The following TBC1D17 variants were observed in gnomAD, a reference collection of about 807,000 sequenced individuals.
The protein encoded by TBC1D17 is TBC1 domain family, member 17.
In TBC1D17, 69 loss-of-function variants were observed where a neutral mutation model predicts 78.8. That is an observed-to-expected ratio of 0.88 (90% confidence interval 0.72 to 1.07). TBC1D17 has a LOEUF of 1.07. Among genes scored for constraint, TBC1D17 ranks in the 50% least tolerant of loss-of-function variants. The probability of loss-of-function intolerance (pLI) is 0.00; values close to 1 mark genes in which losing one functional copy is unlikely to be tolerated. For missense variants in TBC1D17, 957 were observed against 861.0 expected, an observed-to-expected ratio of 1.11 and a Z score of -1.39; for synonymous variants, 456 against 358.3, an observed-to-expected ratio of 1.27 and a Z score of -3.08.
At chr19:49,881,946 C>G in intron 5 of TBC1D17, 95 bp from the exon 6 acceptor site, 1 of 1,094,936 alleles carries the variant, frequency 9.1e-7, no homozygotes, top group Non-Finnish European at 1.4e-6. Context: ...GTGGTTGGGA[C>G]GCTGCAGCTG....
chr19:49,886,352 A>G (rs2075058287), intron 13 of TBC1D17, among the ~76,000 whole-genome samples: 1 of 152,176 alleles, frequency 6.6e-6, no homozygotes, highest in Non-Finnish European at 1.5e-5. Flanking sequence ...ATTCATGAAC[A>G]TTTCCTCGAT....
rs1568676990 is a variant in TBC1D17, at chr19:49,884,639, C to T, written c.1345-20C>T. 6.2e-7 allele frequency: 1 copy of T among 1,614,032 alleles called. No homozygotes were observed. Among genetic ancestry groups the T allele is most frequent in the Non-Finnish European group, 8.5e-7 (1 of 1,179,908 alleles). ...GTACCTCACGGGGTCTGCTCTTTCC[C>T]CCCTCCTTCCGTCCCACAGCAAGGG... On this transcript the variant is annotated intron_variant, in intron 12 of 16. Coordinates refer to ENST00000221543, the MANE Select transcript of TBC1D17 (RefSeq NM_024682.3).
Position 49,888,526 on chromosome 19 carries a change from G to GGCCCCCCCCC in TBC1D17, c.1849_1850insGCCCCCCCCC (p.Ala617GlyfsTer66). On this transcript the variant is annotated frameshift_variant, in exon 17 of 17. Coordinates refer to ENST00000221543, the MANE Select transcript of TBC1D17 (RefSeq NM_024682.3). LOFTEE classifies it low-confidence loss of function (END_TRUNC). Reference sequence around the variant, plus strand: ...CCCGCTGCCTCTGTCGCCCACCCGGGCCCCGCCCACCCCGCCGCCCTCCAC... The same window carrying GGCCCCCCCCC: ...CCCGCTGCCTCTGTCGCCCACCCGGGGCCCCCCCCCCCCCGCCCACCCCGCCGCCCTCCAC... The GGCCCCCCCCC allele has an allele frequency of 2.0e-6, 3 of 1,533,188 alleles. No individual in the cohort carries two copies. Among genetic ancestry groups the GGCCCCCCCCC allele is most frequent in the Non-Finnish European group, 2.6e-6 (3 of 1,141,132 alleles). 95.0% of individuals were successfully genotyped at this position (1,533,188 alleles called of 1,614,324 possible).
In TBC1D17 at chr19:49,878,212, A is replaced by T; in HGVS notation, c.91A>T (p.Ile31Phe). 6.4e-7 allele frequency: 1 copy of T among 1,563,614 alleles called. No individual in the cohort carries two copies. Among genetic ancestry groups the T allele is most frequent in the Non-Finnish European group, 8.7e-7 (1 of 1,154,000 alleles). ...GAAGTATCAGGACCGAGACTCTCTC[A>T]TCGCTGGTGTCATCCGTGTCGTGGA... ...AKKYQDRDSL[I>F]AGVIRVVEKD... Residue 31 changes from isoleucine to phenylalanine, a missense_variant, in exon 2 of 17, where the codon ATC becomes TTC. Physicochemically the swap from Ile to Phe is conservative, Grantham distance 21. Coordinates refer to ENST00000221543, the MANE Select transcript of TBC1D17 (RefSeq NM_024682.3).
intron 15 of TBC1D17, 190 bp from the exon 16 acceptor site, chr19:49,888,041 C>A: frequency 9.5e-7 from 1 of 1,049,186 alleles, no homozygotes; most frequent in South Asian, 1.6e-5. Flanking sequence ...TGGGTGGGGA[C>A]CTTCCCTCCC....
In TBC1D17 at chr19:49,883,091, G is replaced by GGCCCT; in HGVS notation, c.1031+24_1031+28dup. On this transcript the variant is annotated intron_variant, in intron 9 of 16. Transcript: ENST00000221543. ...CGCAAGAAAACGTGAGTTCTCAGGA[G>GGCCCT]GCCCTGCCCTGCCAGGCATGACACC... 6.3e-7 allele frequency: 1 copy of GGCCCT among 1,589,868 alleles called. No homozygotes were observed.
chr19:49,887,706 C>T lies in TBC1D17; in HGVS notation c.1543-12C>T, dbSNP rs774183044. 4 of 1,613,390 alleles carry T rather than the reference C, an allele frequency of 2.5e-6. No homozygotes were observed. The South Asian group carries it at 4.4e-5, about 18-fold the overall frequency. The stretch of plus-strand genomic sequence containing the variant: ...TATGACCTCCCTCCCTCCCTCTGTC[C>T]CGCACCCTCAGGTGCTGTGGACAGG... On this transcript the variant is annotated splice_polypyrimidine_tract_variant and intron_variant, in intron 14 of 16. Coordinates refer to ENST00000221543, the MANE Select transcript of TBC1D17 (RefSeq NM_024682.3).
intron 1 of TBC1D17, 178 bp from the exon 2 acceptor site, chr19:49,877,965 T>TGGAACGCACGTCAGCATC (rs2122413339): frequency 1.5e-6 from 1 of 669,306 alleles, no homozygotes; most frequent in Admixed American, 3.1e-5. Context: ...CTGCCCCCTG[T>TGGAACGCACGTCAGCATC]GGAACGCACG....
rs781116375 is a variant in TBC1D17 at position 49,880,264 on chromosome 19, C to T, written c.196-15C>T. The stretch of plus-strand genomic sequence containing the variant: ...ATCCATGGCCCCTTACTGTCTGCTC[C>T]TTTCCTCTCCTAAGGACTCCAGTGG... On this transcript the variant is annotated splice_polypyrimidine_tract_variant and intron_variant, in intron 3 of 16. Coordinates refer to ENST00000221543, the MANE Select transcript of TBC1D17 (RefSeq NM_024682.3). The T allele has an allele frequency of 3.7e-6, 6 of 1,613,660 alleles. No homozygotes were observed. Among genetic ancestry groups the T allele is most frequent in the East Asian group, 2.2e-5 (1 of 44,884 alleles).
Position 49,878,482 on chromosome 19 carries a change from TC to T in TBC1D17, c.121-13del. The T allele has an allele frequency of 1.2e-6, 2 of 1,612,010 alleles. No individual in the cohort carries two copies. Among genetic ancestry groups the T allele is most frequent in the Non-Finnish European group, 1.7e-6 (2 of 1,178,224 alleles). On this transcript the variant is annotated splice_polypyrimidine_tract_variant and intron_variant, in intron 2 of 16. Transcript: ENST00000221543. ...TTTGGGGAGCGCCTCTAACCCCGCC[TC>T]CCTCCTTACCCTAGGACAATGACGT...
intron 15 of TBC1D17, 23 bp downstream of exon 15, chr19:49,887,857 GCCCTGT>G (rs773529380): frequency 1.3e-6 from 2 of 1,561,742 alleles, no homozygotes; most frequent in Non-Finnish European, 1.7e-6. Flanking sequence ...CCCCGCCCCC[GCCCTGT>G]CCCCCCTGAG....
chr19:49,880,436 G>A, intron 4 of TBC1D17, 34 bp downstream of exon 4: 1 of 1,610,008 alleles, frequency 6.2e-7, no homozygotes. Context: ...AGAAGCACGT[G>A]TGGGCCAGGT....
rs373966266 is a variant in TBC1D17, at chr19:49,881,283, GC to G, written c.340del (p.Gln114ArgfsTer8). ...SEPTRGAEPS[C>X]PQGSWAFSVS... ...GTCTCCCTAGGTGCAGAGCCCAGCT[GC>G]CCCCAGGGCTCCTGGGCCTTCTCAG... On this transcript the variant is annotated frameshift_variant, in exon 5 of 17. Coordinates refer to ENST00000221543, the MANE Select transcript of TBC1D17 (RefSeq NM_024682.3). LOFTEE classifies it high-confidence loss of function. 2 of 1,612,742 alleles carry G rather than the reference GC, an allele frequency of 1.2e-6. No individual in the cohort carries two copies. The highest frequency in any genetic ancestry group is 1.3e-5 in the African/African-American group (1 of 74,898).
Position 49,882,040 on chromosome 19 carries a change from G to A in TBC1D17, c.528-1G>A, listed in dbSNP as rs934973376. On this transcript the variant is annotated splice_acceptor_variant, in intron 5 of 16. Transcript: ENST00000221543. LOFTEE classifies it high-confidence loss of function. ...CCTGTGCGTCACCTCCCGCCTCCCA[G>A]CTCCCCGCAGGACTCCCGCCTCTAC... The A allele has an allele frequency of 3.1e-6, 5 of 1,613,146 alleles. No homozygotes were observed. The highest frequency in any genetic ancestry group is 2.5e-6 in the Non-Finnish European group (3 of 1,179,524).
chr19:49,887,110 T>TA (rs1231140154), intron 13 of TBC1D17: 1 of 312,576 alleles, frequency 3.2e-6, no homozygotes, highest in African/African-American at 2.2e-5. Context: ...GTGCTGGGGT[T>TA]ACAGGCGTGC....
chr19:49,882,771 TG>T lies in TBC1D17; in HGVS notation c.810del (p.Pro271LeufsTer32). The stretch of plus-strand genomic sequence containing the variant: ...TTTGCTCTTTGCCTGCAGGTGGAGC[TG>T]GGGCCTCGGCCAACCGTGGAGCGGG... ...PGFEVISCVE[L>X]GPRPTVERGP... On this transcript the variant is annotated frameshift_variant, in exon 8 of 17. Transcript: ENST00000221543. LOFTEE classifies it high-confidence loss of function. 1 of 1,572,906 alleles carries T rather than the reference TG, an allele frequency of 6.4e-7. No individual in the cohort carries two copies. The highest frequency in any genetic ancestry group is 8.6e-7 in the Non-Finnish European group (1 of 1,159,886).
chr19:49,880,938 T>C lies in TBC1D17; in HGVS notation c.320-330T>C, dbSNP rs528396892. ...CGCTGGCCTTTCATTGTAGCTCAAG[T>C]GTGGGATTTTGAGTGAAGAAAGGTT... On this transcript the variant is annotated intron_variant, in intron 4 of 16. Transcript: ENST00000221543. Among the ~76,000 whole-genome samples the C allele has an allele frequency of 2.0e-3, 306 of 151,908 alleles. 1 individual carries two copies. The highest frequency in any genetic ancestry group is 2.6e-3 in the Non-Finnish European group (176 of 67,954).
At chr19:49,886,019 G>A (rs1241098627) in intron 13 of TBC1D17, among the ~76,000 whole-genome samples, 3 of 140,626 alleles carry the variant, frequency 2.1e-5, no homozygotes, top group Admixed American at 1.5e-4. Flanking sequence ...GGTGGCTCAC[G>A]CCTGTAATCC....
chr19:49,888,076 G>A, intron 15 of TBC1D17, 155 bp from the exon 16 acceptor site: 4 of 1,257,650 alleles, frequency 3.2e-6, no homozygotes, highest in East Asian at 2.5e-5. Context: ...GAATGCTCCC[G>A]GAGGCCTGAG....
Sources: allele counts gnomAD v4.1 joint callset (sites outside exome capture counted in the v4.1 genomes callset), GRCh38; gene constraint gnomAD v4.1.1; transcripts MANE v1.5; gene names NCBI Gene and HGNC (gene_info 2026-07-23, HGNC 2026-07-21).